The following PLCB1 variants were observed in gnomAD, a reference collection of about 807,000 sequenced individuals.
PLCB1 encodes 1-phosphatidylinositol 4,5-bisphosphate phosphodiesterase beta-1.
PLCB1 carries 46 observed loss-of-function variants against 161.8 expected under a neutral mutation model. The ratio of observed to expected loss-of-function variants is 0.28; its 90% CI spans 0.22 to 0.36. PLCB1 has a LOEUF of 0.36. PLCB1 is among the 10% of genes least tolerant of loss of function. PLCB1 has a pLI of 1.00. For synonymous variants in PLCB1, 517 were observed against 503.7 expected (o/e 1.03, Z -0.35); for missense variants, 1,016 against 1,472.5 (o/e 0.69, Z 5.07).
chr20:8,276,726 C>A (rs996389030), intron 2 of PLCB1, among the ~76,000 whole-genome samples: 1 of 152,010 alleles, frequency 6.6e-6, no homozygotes, highest in East Asian at 1.9e-4. Context: ...TGGAGATAGG[C>A]CTCGAGTGCA....
intron 11 of PLCB1, among the ~76,000 whole-genome samples, chr20:8,700,439 C>T (rs990644332): frequency 6.6e-6 from 1 of 152,214 alleles, no homozygotes; most frequent in African/African-American, 2.4e-5. Flanking sequence ...AGTGACTCTC[C>T]TTGTGCACTC....
chr20:8,455,177 A>T (rs1327748396), intron 3 of PLCB1, among the ~76,000 whole-genome samples: 1 of 151,734 alleles, frequency 6.6e-6, no homozygotes, highest in Non-Finnish European at 1.5e-5. Context: ...AAAAATACAA[A>T]ATTAGCTGGG....
intron 3 of PLCB1, among the ~76,000 whole-genome samples, chr20:8,626,317 T>C (rs1988345564): frequency 6.6e-6 from 1 of 152,164 alleles, no homozygotes; most frequent in Non-Finnish European, 1.5e-5. Flanking sequence ...AATTGTTTTC[T>C]ACTCTGAGCA....
intron 2 of PLCB1, among the ~76,000 whole-genome samples, chr20:8,210,416 G>T (rs573428722): frequency 1.3e-5 from 2 of 152,206 alleles, no homozygotes; most frequent in Admixed American, 6.6e-5. Flanking sequence ...ATCTGTTGAT[G>T]GAAGACTTAA....
chr20:8,505,169 A>G (rs1321151982), intron 3 of PLCB1, among the ~76,000 whole-genome samples: 1 of 152,202 alleles, frequency 6.6e-6, no homozygotes, highest in African/African-American at 2.4e-5. Flanking sequence ...CTAGCCAGAT[A>G]GTTCTTACTG....
intron 31 of PLCB1, among the ~76,000 whole-genome samples, chr20:8,815,348 A>G (rs2223570): frequency 0.093 from 14,107 of 152,188 alleles, 1,875 homozygotes; most frequent in African/African-American, 0.3. Flanking sequence ...GACTTCTGGC[A>G]ATATCTGGTG....
rs1304591446 is a variant in PLCB1 at position 8,565,385 on chromosome 20, TA to T, written c.247-62908del. Among the ~76,000 whole-genome samples, 7 of 152,156 alleles carry T rather than the reference TA, an allele frequency of 4.6e-5. No homozygotes were observed. In the South Asian group the frequency reaches 6.2e-4, roughly 14 times the overall value. ...ATATCATTAGGAGAAATACCTCATG[TA>T]GATGACATGTTGATGGGTGCAGCAA... is the stretch of plus-strand genomic sequence containing the variant. On this transcript the variant is annotated intron_variant, in intron 3 of 31. Coordinates refer to ENST00000338037, the MANE Select transcript of PLCB1 (RefSeq NM_015192.4).
At chr20:8,446,514 T>C (rs1251881601) in intron 3 of PLCB1, among the ~76,000 whole-genome samples, 5 of 152,180 alleles carry the variant, frequency 3.3e-5, no homozygotes, top group Admixed American at 2.6e-4. Context: ...AGGGATGCCC[T>C]CTCTCACCAC....
chr20:8,585,717 G>C (rs1003186592), intron 3 of PLCB1, among the ~76,000 whole-genome samples: 4 of 152,154 alleles, frequency 2.6e-5, no homozygotes, highest in Non-Finnish European at 5.9e-5. Context: ...ATGCTAATGA[G>C]CTTCTTTAGC....
In PLCB1 at chr20:8,159,233, C is replaced by G. The variant is rs548449075; in HGVS notation, c.177+8862C>G. On this transcript the variant is annotated intron_variant, in intron 2 of 31. Coordinates refer to ENST00000338037, the MANE Select transcript of PLCB1 (RefSeq NM_015192.4). ...CCTCAATTCTTGACTTCTGTGCACCCACAGACTCAACACCATGTGGAAGCT... is the reference window on the plus strand; with the variant it reads ...CCTCAATTCTTGACTTCTGTGCACCGACAGACTCAACACCATGTGGAAGCT... Among the ~76,000 whole-genome samples, 9 of 152,314 alleles carry G rather than the reference C, an allele frequency of 5.9e-5. No homozygotes were observed. In the East Asian group the frequency reaches 1.2e-3, roughly 20 times the overall value.
intron 31 of PLCB1, among the ~76,000 whole-genome samples, chr20:8,804,917 C>T (rs1984454234): frequency 6.8e-6 from 1 of 145,990 alleles, no homozygotes; most frequent in African/African-American, 2.5e-5. Context: ...TAGGAGAATC[C>T]CTTGAACCCG....
At chr20:8,611,431 C>A (rs1448137370) in intron 3 of PLCB1, among the ~76,000 whole-genome samples, 1 of 152,122 alleles carries the variant, frequency 6.6e-6, no homozygotes, top group Admixed American at 6.5e-5. Context: ...AAAGGCTTCA[C>A]TATAGTCAGT....
At chr20:8,798,590 AC>A (rs1568603970) in intron 31 of PLCB1, among the ~76,000 whole-genome samples, 5 of 151,960 alleles carry the variant, frequency 3.3e-5, no homozygotes, top group Admixed American at 6.6e-5. Flanking sequence ...ACACACACAC[AC>A]ACACCCCTGG....
At chr20:8,533,182 AG>A (rs1208945835) in intron 3 of PLCB1, among the ~76,000 whole-genome samples, 70 of 152,312 alleles carry the variant, frequency 4.6e-4, no homozygotes, top group African/African-American at 1.7e-3. Flanking sequence ...GTCCCCAAAA[AG>A]GACATGAACT....
intron 3 of PLCB1, among the ~76,000 whole-genome samples, chr20:8,438,892 A>G (rs1421827570): frequency 2.6e-5 from 4 of 152,064 alleles, no homozygotes; most frequent in African/African-American, 9.7e-5. Context: ...TTTTTTTGTG[A>G]TGAGATGGAG....
At chr20:8,753,077 A>G (rs1981565982) in intron 23 of PLCB1, among the ~76,000 whole-genome samples, 1 of 152,046 alleles carries the variant, frequency 6.6e-6, no homozygotes, top group African/African-American at 2.4e-5. Flanking sequence ...ACATGTGAAA[A>G]ATCTAGGTTG....
At chr20:8,803,834 C>A (rs889047976) in intron 31 of PLCB1, among the ~76,000 whole-genome samples, 1 of 151,644 alleles carries the variant, frequency 6.6e-6, no homozygotes, top group Non-Finnish European at 1.5e-5. Context: ...GCTCTTGTTG[C>A]CCAGGCTGGA....
intron 2 of PLCB1, among the ~76,000 whole-genome samples, chr20:8,298,038 G>A (rs1983719770): frequency 1.7e-5 from 2 of 116,052 alleles, no homozygotes; most frequent in Non-Finnish European, 3.5e-5. Flanking sequence ...GCTCACATCT[G>A]TAATCCCAAC....
chr20:8,603,422 G>A (rs1202079692), intron 3 of PLCB1, among the ~76,000 whole-genome samples: 1 of 152,134 alleles, frequency 6.6e-6, no homozygotes, highest in Admixed American at 6.5e-5. Context: ...GACCTTTCTG[G>A]TAATCCCAGC....
Sources: gnomAD v4.1 joint callset for allele counts (sites outside exome capture counted in the v4.1 genomes callset) on GRCh38, gnomAD v4.1.1 for gene constraint, MANE v1.5 for transcripts, NCBI Gene and HGNC (gene_info 2026-07-23, HGNC 2026-07-21) for gene names.